The following RNF31 variants were observed in gnomAD, a reference collection of about 807,000 sequenced individuals.
RNF31 encodes ring finger protein 31.
RNF31 carries 38 observed loss-of-function variants against 133.6 expected under a neutral mutation model. The ratio of observed to expected loss-of-function variants is 0.28; its 90% CI spans 0.22 to 0.37. The LOEUF is 0.37. Among genes scored for constraint, RNF31 ranks in the 10% least tolerant of loss-of-function variants. The pLI is 1.00. For synonymous variants in RNF31, 582 were observed against 552.3 expected (o/e 1.05, Z -0.75); for missense variants, 1,118 against 1,394.1 (o/e 0.80, Z 3.15).
chr14:24,150,731 C>T lies in RNF31; in HGVS notation c.1331C>T (p.Ala444Val). The T allele has an allele frequency of 1.2e-6, 2 of 1,611,284 alleles. No homozygotes were observed. The highest frequency in any genetic ancestry group is 1.1e-5 in the South Asian group (1 of 90,880). ...AGTAGCCCCATTCCAGCACAACATGCCCCCCGGCCCTATGCCAGCTCTTTG... is the reference window on the plus strand; with the variant it reads ...AGTAGCCCCATTCCAGCACAACATGTCCCCCGGCCCTATGCCAGCTCTTTG... ...RTSSPIPAQH[A>V]PRPYASSLEK... Residue 444 changes from alanine to valine, a missense_variant, in exon 8 of 21, where the codon GCC becomes GTC. Coordinates refer to ENST00000324103, the MANE Select transcript of RNF31 (RefSeq NM_017999.5).
intron 6 of RNF31, among the ~76,000 whole-genome samples, 180 bp downstream of exon 6, chr14:24,149,763 T>C (rs2038234868): frequency 6.6e-6 from 1 of 152,078 alleles, no homozygotes; most frequent in Admixed American, 6.5e-5. Context: ...GTAACCCAGG[T>C]TGTTATGGTA....
chr14:24,155,669 T>A lies in RNF31; in HGVS notation c.2470T>A (p.Phe824Ile). ...EATCPQCHQTFCVRCKRQWEE... is the reference protein window; with the variant it reads ...EATCPQCHQTICVRCKRQWEE... ...AACTTGTCCCCAGTGTCACCAGACC[T>A]TCTGTGTGCGCTGCAAGCGCCAGGT... The change falls in exon 14 of 21, where the codon TTC becomes ATC. Residue 824 changes from phenylalanine to isoleucine, a missense_variant. Phe to Ile is a conservative substitution (Grantham distance 21, BLOSUM62 0). Coordinates refer to ENST00000324103, the MANE Select transcript of RNF31 (RefSeq NM_017999.5). The surrounding 1 kb of genome is among the most constrained non-coding windows in gnomAD (Gnocchi z 4.9). 1 of 1,614,178 alleles carries A rather than the reference T, an allele frequency of 6.2e-7. No individual in the cohort carries two copies. The highest frequency in any genetic ancestry group is 8.5e-7 in the Non-Finnish European group (1 of 1,180,006).
At chr14:24,148,471 A>T in intron 3 of RNF31, 58 bp downstream of exon 3, 1 of 1,612,634 alleles carries the variant, frequency 6.2e-7, no homozygotes, top group East Asian at 2.2e-5. Flanking sequence ...AGCCCAGCCT[A>T]ACTCAAGTAA....
intron 6 of RNF31, 144 bp from the exon 7 acceptor site, chr14:24,149,917 A>G: frequency 1.0e-6 from 1 of 993,292 alleles, no homozygotes; most frequent in East Asian, 2.5e-5. Context: ...TGCATAAGCT[A>G]TGGGTATAGG....
chr14:24,155,380 C>G lies in RNF31; in HGVS notation c.2305-34C>G. On this transcript the variant is annotated intron_variant, in intron 12 of 20. Coordinates refer to ENST00000324103, the MANE Select transcript of RNF31 (RefSeq NM_017999.5). The surrounding 1 kb of genome is among the most constrained non-coding windows in gnomAD (Gnocchi z 4.9). ...GGTACCCTGAGCTTTGAACAGGGAC[C>G]CTCCCACCCACCACCTCTGCATCCT... The G allele has an allele frequency of 6.2e-7, 1 of 1,614,006 alleles. No individual in the cohort carries two copies. Among genetic ancestry groups the G allele is most frequent in the Non-Finnish European group, 8.5e-7 (1 of 1,179,870 alleles).
Position 24,151,584 on chromosome 14 carries a change from C to T in RNF31, c.1837C>T (p.Gln613Ter). The stretch of plus-strand genomic sequence containing the variant: ...TGTGTCACGGGCCCTGACTGAGCTA[C>T]AGCGCCAACGCCTAGAGCCCTTCCG... ...GDVSRALTEL[Q>*]RQRLEPFRQR... Residue 613 changes from glutamine (Q) to a stop codon, truncating the protein, a stop_gained, in exon 10 of 21, where the codon CAG becomes TAG. Coordinates refer to ENST00000324103, the MANE Select transcript of RNF31 (RefSeq NM_017999.5). LOFTEE classifies it high-confidence loss of function. The surrounding 1 kb of genome is among the most constrained non-coding windows in gnomAD (Gnocchi z 5.3). 3 of 1,614,108 alleles carry T rather than the reference C, an allele frequency of 1.9e-6. No individual in the cohort carries two copies. The highest frequency in any genetic ancestry group is 2.5e-6 in the Non-Finnish European group (3 of 1,180,034).
In RNF31 at chr14:24,153,375, G is replaced by A. The variant is rs555004527; in HGVS notation, c.2130+1383G>A. ...GGGTGGATCACGAGGTCAAGAGATT[G>A]AGACCATCCTGGTCGACATGGTGAA... On this transcript the variant is annotated intron_variant, in intron 11 of 20. Transcript: ENST00000324103. Among the ~76,000 whole-genome samples the A allele has an allele frequency of 3.3e-5, 5 of 152,004 alleles. No individual in the cohort carries two copies. The East Asian group carries it at 9.7e-4, about 30-fold the overall frequency.
At chr14:24,159,134 C>T (rs2038397483) in intron 18 of RNF31, among the ~76,000 whole-genome samples, 2 of 150,642 alleles carry the variant, frequency 1.3e-5, no homozygotes, top group Non-Finnish European at 2.9e-5. Flanking sequence ...CACCTGACGT[C>T]AGGAGTTCGT....
In RNF31 at chr14:24,151,513, G is replaced by C. The variant is rs895453108; in HGVS notation, c.1766G>C (p.Gly589Ala). 1 of 1,614,182 alleles carries C rather than the reference G, an allele frequency of 6.2e-7. No homozygotes were observed. The change falls in exon 10 of 21, where the codon GGG becomes GCG. Residue 589 changes from glycine to alanine, a missense_variant. Gly to Ala is a moderately conservative substitution (Grantham distance 60). This residue lies in a region of RNF31 where 747 missense variants were observed against 827.9 expected (regional missense o/e 0.90). Transcript: ENST00000324103. The surrounding 1 kb of genome is among the most constrained non-coding windows in gnomAD (Gnocchi z 5.3). ...CAGGAGCTCCAGTCTCTAGGCTTTG[G>C]GCCTGAGGAGGGGTCTCTCCAGGCA... ...KVQELQSLGF[G>A]PEEGSLQALF...
Position 24,160,196 on chromosome 14 carries a change from T to C in RNF31, c.2997-43T>C, listed in dbSNP as rs752197517. ...AGCTATGTTAGACACACTCAGTTAA[T>C]ATTAGCCAACACAACAAATATTCTG... On this transcript the variant is annotated intron_variant, in intron 19 of 20. Coordinates refer to ENST00000324103, the MANE Select transcript of RNF31 (RefSeq NM_017999.5). The surrounding 1 kb of genome is among the most constrained non-coding windows in gnomAD (Gnocchi z 4.0). 2 of 1,585,748 alleles carry C rather than the reference T, an allele frequency of 1.3e-6. No homozygotes were observed. The highest frequency in any genetic ancestry group is 8.6e-7 in the Non-Finnish European group (1 of 1,165,816).
At chr14:24,148,735 GGA>G in intron 4 of RNF31, 34 bp downstream of exon 4, 1 of 1,613,906 alleles carries the variant, frequency 6.2e-7, no homozygotes, top group Non-Finnish European at 8.5e-7. Context: ...GGTGTACAAA[GGA>G]AACAGGAATT....
In RNF31 at chr14:24,151,148, T is replaced by C. The variant is rs775231870; in HGVS notation, c.1506T>C (p.Gly502=). 10 of 1,614,024 alleles carry C rather than the reference T, an allele frequency of 6.2e-6. No individual in the cohort carries two copies. Among genetic ancestry groups the C allele is most frequent in the Non-Finnish European group, 8.5e-6 (10 of 1,180,004 alleles). The change falls in exon 9 of 21, where the codon GGT becomes GGC. Residue 502 remains glycine, a synonymous_variant. Transcript: ENST00000324103. This position sits in a 1 kb window ranked among gnomAD's most constrained non-coding sequence, Gnocchi z 5.3. The stretch of plus-strand genomic sequence containing the variant: ...TGCCTTAGGAAGGGGAAGCCGCAGG[T>C]GCCTGTCCAGAGGAGATCTTCTCGG... ...VSMIREGEAA[G]ACPEEIFSAL...
chr14:24,155,734 TG>T lies in RNF31; in HGVS notation c.2493+43del. The T allele has an allele frequency of 6.5e-7, 1 of 1,548,154 alleles. No individual in the cohort carries two copies. Among genetic ancestry groups the T allele is most frequent in the East Asian group, 2.2e-5 (1 of 44,588 alleles). ...CTTTCAGAAATACTTGCTGAGCTACTGCCAGGTACTGTGTTAGACTCAGGGG... is the reference window on the plus strand; with the variant it reads ...CTTTCAGAAATACTTGCTGAGCTACTCCAGGTACTGTGTTAGACTCAGGGG... On this transcript the variant is annotated intron_variant, in intron 14 of 20. Coordinates refer to ENST00000324103, the MANE Select transcript of RNF31 (RefSeq NM_017999.5). The surrounding 1 kb of genome is among the most constrained non-coding windows in gnomAD (Gnocchi z 4.9).
At position 24,151,047 on chromosome 14, in the gene RNF31, C is replaced by G; in HGVS notation, c.1489-84C>G. 1 of 1,578,322 alleles carries G rather than the reference C, an allele frequency of 6.3e-7. No homozygotes were observed. Among genetic ancestry groups the G allele is most frequent in the South Asian group, 1.2e-5 (1 of 85,802 alleles). Reference sequence around the variant, plus strand: ...TACACTGATGACATGATCCATATGTCTGAGCTGAGCCACTGTCACCATCTT... The same window carrying G: ...TACACTGATGACATGATCCATATGTGTGAGCTGAGCCACTGTCACCATCTT... On this transcript the variant is annotated intron_variant, in intron 8 of 20. Transcript: ENST00000324103. The surrounding 1 kb of genome is among the most constrained non-coding windows in gnomAD (Gnocchi z 5.3).
In RNF31 at chr14:24,151,431, C is replaced by G; in HGVS notation, c.1737+52C>G. 1 of 1,613,070 alleles carries G rather than the reference C, an allele frequency of 6.2e-7. No homozygotes were observed. The highest frequency in any genetic ancestry group is 8.5e-7 in the Non-Finnish European group (1 of 1,179,106). ...GGGTCGAGAGTCTGCATCTCTCACA[C>G]TCTCCCTTGCTTGCTTTCCCACTTC... On this transcript the variant is annotated intron_variant, in intron 9 of 20. Transcript: ENST00000324103. The surrounding 1 kb of genome is among the most constrained non-coding windows in gnomAD (Gnocchi z 5.3).
chr14:24,157,827 C>A, intron 16 of RNF31, 71 bp from the exon 17 acceptor site: 1 of 1,318,428 alleles, frequency 7.6e-7, no homozygotes, highest in Non-Finnish European at 1.1e-6. Context: ...ACACCCCTCA[C>A]GCAGGGGTTC....
In RNF31 at chr14:24,160,009, G is replaced by C; in HGVS notation, c.2996+49G>C. 1.3e-6 allele frequency: 2 copies of C among 1,559,144 alleles called. No individual in the cohort carries two copies. Among genetic ancestry groups the C allele is most frequent in the Non-Finnish European group, 1.8e-6 (2 of 1,136,460 alleles). On this transcript the variant is annotated intron_variant, in intron 19 of 20. Coordinates refer to ENST00000324103, the MANE Select transcript of RNF31 (RefSeq NM_017999.5). The surrounding 1 kb of genome is among the most constrained non-coding windows in gnomAD (Gnocchi z 4.0). ...ATGGTGTTGGGCAGTGGGTAGAAGT[G>C]GTGAGGGCATGCCCAGGCAGTAAAA...
At position 24,151,323 on chromosome 14, in the gene RNF31, C is replaced by T. The variant is rs1310867659; in HGVS notation, c.1681C>T (p.Arg561Cys). Residue 561 changes from arginine (R) to cysteine (C), a missense_variant, in exon 9 of 21, where the codon CGT becomes TGT. Arg to Cys is a radical substitution (Grantham distance 180). Transcript: ENST00000324103. The surrounding 1 kb of genome is among the most constrained non-coding windows in gnomAD (Gnocchi z 5.3). Reference protein sequence around the residue: ...CQEARRAWLDRHGNLDEAVEE... With the variant: ...CQEARRAWLDCHGNLDEAVEE... ...GGAGGCCCGGAGAGCCTGGCTGGAT[C>T]GTCATGGCAACCTTGATGAAGCTGT... 17 of 1,614,072 alleles carry T rather than the reference C, an allele frequency of 1.1e-5. No homozygotes were observed. The highest frequency in any genetic ancestry group is 4.5e-5 in the East Asian group (2 of 44,900).
At chr14:24,148,762 C>G in intron 4 of RNF31, 39 bp from the exon 5 acceptor site, 3 of 1,613,424 alleles carry the variant, frequency 1.9e-6, no homozygotes, top group Non-Finnish European at 2.5e-6. Flanking sequence ...GACTCTGTGT[C>G]CCTAAACCCT....
Sources: allele counts gnomAD v4.1 joint callset (sites outside exome capture counted in the v4.1 genomes callset), GRCh38; gene constraint gnomAD v4.1.1; regional missense constraint gnomAD v4.1.1; non-coding constraint Gnocchi (gnomAD v3.1); transcripts MANE v1.5; gene names NCBI Gene and HGNC (gene_info 2026-07-23, HGNC 2026-07-21).